PIWIL2: variants seen among roughly 807,000 people sequenced by gnomAD.
The protein encoded by PIWIL2 is piwi-like protein 2.
PIWIL2 carries 81 observed loss-of-function variants against 116.5 expected under a neutral mutation model. That is an observed-to-expected ratio of 0.70 (90% CI 0.58 to 0.84). PIWIL2 has a LOEUF of 0.84. Ranked by LOEUF, PIWIL2 falls within the 40% of genes least tolerant of loss-of-function variation. PIWIL2 has a pLI of 0.00. For missense variants in PIWIL2, 1,272 were observed against 1,212.3 expected, an observed-to-expected ratio of 1.05 and a Z score of -0.73; for synonymous variants, 489 against 429.5, an observed-to-expected ratio of 1.14 and a Z score of -1.71.
chr8:22,278,898 C>T (rs1830438128), intron 1 of PIWIL2, among the ~76,000 whole-genome samples: 1 of 152,210 alleles, frequency 6.6e-6, no homozygotes, highest in Non-Finnish European at 1.5e-5. Flanking sequence ...TGATCTGTCA[C>T]TGTCTCCCAT....
chr8:22,299,521 C>G (rs1487844571), intron 10 of PIWIL2, among the ~76,000 whole-genome samples: 5 of 150,138 alleles, frequency 3.3e-5, no homozygotes, highest in Non-Finnish European at 7.4e-5. Flanking sequence ...GATCTTTTTT[C>G]TTACAAATTT....
chr8:22,354,802 G>T (rs1464014569), intron 22 of PIWIL2, among the ~76,000 whole-genome samples: 1 of 152,174 alleles, frequency 6.6e-6, no homozygotes, highest in Non-Finnish European at 1.5e-5. Flanking sequence ...GGGTGCGGTG[G>T]CTCACGCCTA....
intron 20 of PIWIL2, among the ~76,000 whole-genome samples, chr8:22,318,652 C>T (rs1831524758): frequency 2.0e-5 from 3 of 152,124 alleles, no homozygotes; most frequent in Admixed American, 6.6e-5. Flanking sequence ...CCTATGTGAA[C>T]ACTTTACAGG....
intron 20 of PIWIL2, among the ~76,000 whole-genome samples, chr8:22,341,508 T>C (rs373164653): frequency 6.7e-6 from 1 of 149,088 alleles, no homozygotes; most frequent in Non-Finnish European, 1.5e-5. Flanking sequence ...GGCAGGAGAA[T>C]CGCTTAAACC....
chr8:22,303,754 C>G (rs1018371046), intron 10 of PIWIL2, among the ~76,000 whole-genome samples: 1 of 151,740 alleles, frequency 6.6e-6, no homozygotes, highest in Non-Finnish European at 1.5e-5. Flanking sequence ...TTTTTTTTCC[C>G]CCACCAAGGA....
intron 20 of PIWIL2, among the ~76,000 whole-genome samples, chr8:22,334,275 C>T (rs764119176): frequency 4.0e-5 from 6 of 151,686 alleles, no homozygotes; most frequent in Non-Finnish European, 8.8e-5. Flanking sequence ...ACGCCTGGCC[C>T]TGGGTACAAG....
At position 22,356,462 on chromosome 8, in the gene PIWIL2, C is replaced by G. The variant is rs1207491539; in HGVS notation, c.*957C>G. 6.6e-6 allele frequency: 1 copy of G among 152,134 alleles called. No homozygotes were observed. Among genetic ancestry groups the G allele is most frequent in the Non-Finnish European group, 1.5e-5 (1 of 68,032 alleles). The allele number at this position is 152,134 out of a possible 1,614,324, so 9.4% of individuals were successfully genotyped here. On this transcript the variant is annotated 3_prime_UTR_variant, in exon 23 of 23. Coordinates refer to ENST00000356766, the MANE Select transcript of PIWIL2 (RefSeq NM_018068.5). ...CTTTTCCGTGGATTTCAGTAACTTTCCAGCATACCATGACGATTTCTTCCC... is the reference window on the plus strand; with the variant it reads ...CTTTTCCGTGGATTTCAGTAACTTTGCAGCATACCATGACGATTTCTTCCC...
chr8:22,284,904 A>C (rs1168144618), intron 6 of PIWIL2, among the ~76,000 whole-genome samples: 1 of 152,170 alleles, frequency 6.6e-6, no homozygotes, highest in Non-Finnish European at 1.5e-5. Flanking sequence ...GAATTGTGAA[A>C]ATGAGTGTTT....
At position 22,318,249 on chromosome 8, in the gene PIWIL2, G is replaced by A. The variant is rs766026598; in HGVS notation, c.2377G>A (p.Val793Met). The A allele has an allele frequency of 1.7e-5, 27 of 1,609,376 alleles. No homozygotes were observed. Among genetic ancestry groups the A allele is most frequent in the African/African-American group, 2.7e-5 (2 of 74,734 alleles). Reference protein sequence around the residue: ...EIVDSLKLCLVGSLKKFYEVN... With the variant: ...EIVDSLKLCLMGSLKKFYEVN... ...TGTGGACAGCCTGAAGCTATGCCTCGTGGGCTCCTTAAAAAAGTTTTATGA... is the reference window on the plus strand; with the variant it reads ...TGTGGACAGCCTGAAGCTATGCCTCATGGGCTCCTTAAAAAAGTTTTATGA... The change falls in exon 20 of 23, where the codon GTG becomes ATG. Residue 793 changes from valine to methionine, a missense_variant. Coordinates refer to ENST00000356766, the MANE Select transcript of PIWIL2 (RefSeq NM_018068.5).
chr8:22,334,027 G>A (rs1347931470), intron 20 of PIWIL2, among the ~76,000 whole-genome samples: 1 of 150,828 alleles, frequency 6.6e-6, no homozygotes, highest in Admixed American at 6.6e-5. Flanking sequence ...TGGATGGAGT[G>A]CAGTGGTAGG....
chr8:22,310,627 TAATTA>T (rs139342254), intron 15 of PIWIL2, among the ~76,000 whole-genome samples: 12,481 of 152,134 alleles, frequency 0.082, 719 homozygotes, highest in South Asian at 0.19. Context: ...AGTTTTTTTT[TAATTA>T]AATAGACCTG....
intron 6 of PIWIL2, among the ~76,000 whole-genome samples, chr8:22,284,818 A>T (rs1563349190): frequency 1.3e-5 from 2 of 152,140 alleles, no homozygotes; most frequent in Non-Finnish European, 2.9e-5. Flanking sequence ...ATTTATTACT[A>T]TTTAAAAATA....
intron 10 of PIWIL2, among the ~76,000 whole-genome samples, chr8:22,301,347 G>A (rs1198203258): frequency 6.6e-6 from 1 of 151,872 alleles, no homozygotes; most frequent in Non-Finnish European, 1.5e-5. Context: ...CACCCAGGAT[G>A]GAGTGCAGTG....
At chr8:22,296,001 T>C (rs1203889255) in intron 10 of PIWIL2, among the ~76,000 whole-genome samples, 1 of 150,712 alleles carries the variant, frequency 6.6e-6, no homozygotes, top group Non-Finnish European at 1.5e-5. Flanking sequence ...CATCACTGTC[T>C]TGGGGTTCCT....
chr8:22,309,464 A>G (rs1002831351), intron 14 of PIWIL2, among the ~76,000 whole-genome samples: 97 of 151,838 alleles, frequency 6.4e-4, no homozygotes, highest in African/African-American at 2.3e-3. Flanking sequence ...CTGCCTCCCA[A>G]GTAGCTGGGG....
Position 22,305,168 on chromosome 8 carries a change from T to TATTC in PIWIL2, c.1455+304_1455+307dup, listed in dbSNP as rs879862034. 5.2e-3 allele frequency among the ~76,000 whole-genome samples: 718 copies of TATTC among 139,416 alleles called. 3 individuals carry two copies. Among genetic ancestry groups the TATTC allele is most frequent in the African/African-American group, 0.018 (683 of 37,974 alleles). The allele number at this position is 139,416 out of a possible 152,430, so 91.5% of individuals were successfully genotyped here. A position where few individuals can be genotyped will look rare whatever the true frequency, so the allele number is the denominator to read the frequency against. On this transcript the variant is annotated intron_variant, in intron 12 of 22. Transcript: ENST00000356766. ...CTGAATCCATGAGGAAAGGTATAGA[T>TATTC]ATTCATTTATTTATTTATTTATTTA...
chr8:22,284,109 T>G, intron 5 of PIWIL2, 53 bp from the exon 6 acceptor site: 1 of 909,624 alleles, frequency 1.1e-6, no homozygotes, highest in Non-Finnish European at 1.7e-6. Context: ...TGGTTAGTTA[T>G]TTTGTTTTTT....
At position 22,312,272 on chromosome 8, in the gene PIWIL2, A is replaced by C. The variant is rs941331023; in HGVS notation, c.1989+972A>C. ...AGAGTGAGACCTTTTCTCCAAAAAAAAAAAAAAAAATGAGATAGGATTTTA... is the reference window on the plus strand; with the variant it reads ...AGAGTGAGACCTTTTCTCCAAAAAACAAAAAAAAAATGAGATAGGATTTTA... On this transcript the variant is annotated intron_variant, in intron 16 of 22. Transcript: ENST00000356766. Among the ~76,000 whole-genome samples the C allele has an allele frequency of 3.3e-5, 5 of 151,964 alleles. 1 individual carries two copies. The highest frequency in any genetic ancestry group is 1.3e-4 in the Admixed American group (2 of 15,238).
chr8:22,324,011 CA>C (rs1369519727), intron 20 of PIWIL2, among the ~76,000 whole-genome samples: 4 of 152,238 alleles, frequency 2.6e-5, no homozygotes, highest in Non-Finnish European at 5.9e-5. Flanking sequence ...CCTATAATCC[CA>C]GCACTTTGGG....
Sources: gnomAD v4.1 joint callset for allele counts (sites outside exome capture counted in the v4.1 genomes callset) on GRCh38, gnomAD v4.1.1 for gene constraint, MANE v1.5 for transcripts, NCBI Gene and HGNC (gene_info 2026-07-23, HGNC 2026-07-21) for gene names.